Variants in TEX10 observed in about 807,000 individuals in gnomAD.
The protein encoded by TEX10 is testis expressed 10.
In TEX10, 24 loss-of-function variants were observed where a neutral mutation model predicts 104.4. The ratio of observed to expected loss-of-function variants is 0.23; its 90% confidence interval spans 0.17 to 0.32. TEX10 has a LOEUF of 0.32. Ranked by LOEUF, TEX10 falls within the 10% of genes least tolerant of loss-of-function variation. The probability of loss-of-function intolerance (pLI) is 1.00; values close to 1 mark genes in which losing one functional copy is unlikely to be tolerated. For missense variants in TEX10, 921 were observed against 1,083.9 expected (o/e 0.85, Z 2.11); for synonymous variants, 396 against 393.4 (o/e 1.01, Z -0.08).
intron 11 of TEX10, 66 bp from the exon 12 acceptor site, chr9:100,310,445 A>G: frequency 7.0e-7 from 1 of 1,434,366 alleles, no homozygotes; most frequent in Non-Finnish European, 9.7e-7. Context: ...AGTTCAACAG[A>G]TTCTTTTTTT....
chr9:100,339,263 A>T, intron 5 of TEX10, among the ~76,000 whole-genome samples: 1 of 129,764 alleles, frequency 7.7e-6, no homozygotes, highest in African/African-American at 3.1e-5. Context: ...AAAAAAAAAA[A>T]AAAAAAAAAA....
At chr9:100,349,408 G>A (rs1228107620) in intron 1 of TEX10, 36 bp from the exon 2 acceptor site, 3 of 1,410,928 alleles carry the variant, frequency 2.1e-6, no homozygotes, top group South Asian at 1.5e-5. Flanking sequence ...GCAATGGATA[G>A]AGACAAGAAT....
At chr9:100,307,381 G>A (rs1003676796) in intron 13 of TEX10, 1 of 152,118 alleles carries the variant, frequency 6.6e-6, no homozygotes, top group Non-Finnish European at 1.5e-5. Flanking sequence ...GAGACCTAAT[G>A]GTCTGCAAAA....
chr9:100,323,486 T>C (rs1436690487), intron 9 of TEX10, among the ~76,000 whole-genome samples: 2 of 152,102 alleles, frequency 1.3e-5, no homozygotes, highest in Non-Finnish European at 2.9e-5. Context: ...AATCTGGCTA[T>C]AAATAAACTG....
At position 100,302,219 on chromosome 9, in the gene TEX10, C is replaced by T. The variant is rs1833998907; in HGVS notation, c.2762G>A (p.Gly921Glu). 1 of 1,611,962 alleles carries T rather than the reference C, an allele frequency of 6.2e-7. No individual in the cohort carries two copies. The highest frequency in any genetic ancestry group is 8.5e-7 in the Non-Finnish European group (1 of 1,178,740). Reference sequence around the variant, plus strand: ...ATACACTGTAGCCAGTGCACTGGGCCCTTGGGGATGCCCAGTGATATACAC... The same window carrying T: ...ATACACTGTAGCCAGTGCACTGGGCTCTTGGGGATGCCCAGTGATATACAC... The part of the protein sequence containing the change: ...FNVYITGHPQ[G>E]PSALATVY The change falls in exon 15 of 15, where the codon GGG (glycine) becomes GAG (glutamate). Residue 921 changes from glycine to glutamate, a missense_variant. Transcript: ENST00000374902.
chr9:100,312,732 T>C (rs1427519187), intron 11 of TEX10, among the ~76,000 whole-genome samples: 1 of 152,182 alleles, frequency 6.6e-6, no homozygotes, highest in East Asian at 1.9e-4. Context: ...CATAACCGTA[T>C]AGAAGCTGAG....
intron 4 of TEX10, among the ~76,000 whole-genome samples, chr9:100,345,411 T>C (rs1485715593): frequency 2.6e-5 from 4 of 152,230 alleles, no homozygotes; most frequent in Non-Finnish European, 4.4e-5. Flanking sequence ...TTATATAAAC[T>C]TGAAGGATTC....
chr9:100,338,085 C>T (rs959606891), intron 5 of TEX10, among the ~76,000 whole-genome samples: 1 of 152,152 alleles, frequency 6.6e-6, no homozygotes, highest in African/African-American at 2.4e-5. Flanking sequence ...CACATTTTTT[C>T]CTTTGTAGAT....
intron 7 of TEX10, among the ~76,000 whole-genome samples, 187 bp downstream of exon 7, chr9:100,328,953 T>C (rs917054799): frequency 6.6e-6 from 1 of 152,208 alleles, no homozygotes; most frequent in Non-Finnish European, 1.5e-5. Context: ...CAGATATGGG[T>C]ATAAAGTTTA....
In TEX10 at chr9:100,349,169, T is replaced by C. The variant is rs1343305313; in HGVS notation, c.180+15A>G. 1.3e-6 allele frequency: 2 copies of C among 1,510,886 alleles called. No individual in the cohort carries two copies. Among genetic ancestry groups the C allele is most frequent in the East Asian group, 2.4e-5 (1 of 42,324 alleles). 93.6% of individuals were successfully genotyped at this position (1,510,886 alleles called of 1,614,324 possible). On this transcript the variant is annotated intron_variant, in intron 2 of 14. Coordinates refer to ENST00000374902, the MANE Select transcript of TEX10 (RefSeq NM_017746.4). The stretch of plus-strand genomic sequence containing the variant: ...AAGAAAATCTTATTTTGTCAAAACA[T>C]GATTTATGATTTACCTTTATGTTAA...
chr9:100,352,576 C>CT, intron 1 of TEX10, 196 bp downstream of exon 1: 1 of 1,522,796 alleles, frequency 6.6e-7, no homozygotes, highest in Non-Finnish European at 8.8e-7. Context: ...CGCAAACGCC[C>CT]TAGGGGGTCC....
At chr9:100,304,381 A>G (rs966589756) in intron 13 of TEX10, 6 of 157,144 alleles carry the variant, frequency 3.8e-5, no homozygotes, top group African/African-American at 1.4e-4. Flanking sequence ...CAACAGACAG[A>G]TAAACCAATG....
chr9:100,337,537 C>G (rs1835042284), intron 5 of TEX10, among the ~76,000 whole-genome samples: 1 of 152,182 alleles, frequency 6.6e-6, no homozygotes. Flanking sequence ...GGGAAAAAGT[C>G]TAACATCTTG....
chr9:100,314,232 T>A (rs1368880496), intron 11 of TEX10, among the ~76,000 whole-genome samples: 4 of 151,834 alleles, frequency 2.6e-5, no homozygotes, highest in Non-Finnish European at 4.4e-5. Flanking sequence ...GGACTACAGA[T>A]GCATGCCACC....
chr9:100,352,399 C>T (rs1359143443), intron 1 of TEX10: 1 of 1,551,642 alleles, frequency 6.4e-7, no homozygotes, highest in Admixed American at 2.0e-5. Flanking sequence ...GTCCTGCATC[C>T]ATCCCAGAGG....
At chr9:100,335,134 A>C (rs2118903238) in intron 5 of TEX10, among the ~76,000 whole-genome samples, 1 of 152,340 alleles carries the variant, frequency 6.6e-6, no homozygotes, top group South Asian at 2.1e-4. Flanking sequence ...TTTGATATGC[A>C]GCAGAAATGC....
chr9:100,347,533 T>C (rs888384595), intron 2 of TEX10, 127 bp from the exon 3 acceptor site: 32 of 608,224 alleles, frequency 5.3e-5, no homozygotes, highest in Non-Finnish European at 7.6e-5. Flanking sequence ...TAAGTACTTT[T>C]TAAATGTTAT....
At chr9:100,352,481 G>C (rs1835480449) in intron 1 of TEX10, 1 of 1,551,216 alleles carries the variant, frequency 6.4e-7, no homozygotes, top group Admixed American at 2.0e-5. Flanking sequence ...ACCAGAGTCG[G>C]GGAAGTGGGG....
In TEX10 at chr9:100,346,916, C is replaced by T; in HGVS notation, c.671G>A (p.Arg224Lys). Residue 224 changes from arginine (R) to lysine (K), a missense_variant, in exon 3 of 15, where the codon AGG becomes AAG. Coordinates refer to ENST00000374902, the MANE Select transcript of TEX10 (RefSeq NM_017746.4). ...ACTGAGTCTCACTAAGACTTTCAGC[C>T]TCCATTGCTGAGAAGTGAGTCTCCG... ...PNRRLTSQQW[R>K]LKVLVRLSKF... 1.2e-6 allele frequency: 2 copies of T among 1,614,192 alleles called. No homozygotes were observed. Among genetic ancestry groups the T allele is most frequent in the Non-Finnish European group, 1.7e-6 (2 of 1,180,036 alleles).
Sources: gnomAD v4.1 joint callset for allele counts (sites outside exome capture counted in the v4.1 genomes callset) on GRCh38, gnomAD v4.1.1 for gene constraint, MANE v1.5 for transcripts, NCBI Gene and HGNC (gene_info 2026-07-23, HGNC 2026-07-21) for gene names.